The following IGSF3 variants were observed in gnomAD, a reference collection of about 807,000 sequenced individuals.
IGSF3 encodes the protein immunoglobulin superfamily member 3.
Under a neutral mutation model 114.4 loss-of-function variants are expected in IGSF3, and 23 were observed. The ratio of observed to expected loss-of-function variants is 0.20; its 90% CI spans 0.14 to 0.28. The LOEUF (loss-of-function observed/expected upper bound fraction) is 0.28. IGSF3 is among the 10% of genes least tolerant of loss of function. The pLI is 1.00. For missense variants in IGSF3, 1,172 were observed against 1,591.5 expected (o/e 0.74, Z 4.48); for synonymous variants, 571 against 645.2 (o/e 0.88, Z 1.74).
intron 4 of IGSF3, 21 bp from the exon 5 acceptor site, chr1:116,608,352 A>G: frequency 6.2e-7 from 1 of 1,603,116 alleles, no homozygotes; most frequent in Non-Finnish European, 8.5e-7. Context: ...AAGTAAGAAA[A>G]GAGACACATC....
In IGSF3 at chr1:116,613,703, C is replaced by T. The variant is rs1183773791; in HGVS notation, c.832+62G>A. 112 of 1,493,702 alleles carry T rather than the reference C, an allele frequency of 7.5e-5. 1 individual carries two copies. The highest frequency in any genetic ancestry group is 1.9e-4 in the Middle Eastern group (1 of 5,374). The allele number at this position is 1,493,702 out of a possible 1,614,324, so 92.5% of individuals were successfully genotyped here. A position where few individuals can be genotyped will look rare whatever the true frequency, so the allele number is the denominator to read the frequency against. ...CCAAAGAAGGAGTCTCCACATTCTC[C>T]CAGTATCTGACAGCCTTCACCACCA... On this transcript the variant is annotated intron_variant, in intron 4 of 10. Coordinates refer to ENST00000369486, the MANE Select transcript of IGSF3 (RefSeq NM_001007237.3).
At position 116,596,481 on chromosome 1, in the gene IGSF3, TA is replaced by T. The variant is rs1030888037; in HGVS notation, c.2029+3459del. Among the ~76,000 whole-genome samples, 31 of 152,142 alleles carry T rather than the reference TA, an allele frequency of 2.0e-4. No homozygotes were observed. Among genetic ancestry groups the T allele is most frequent in the Non-Finnish European group, 4.6e-4 (31 of 68,030 alleles). On this transcript the variant is annotated intron_variant, in intron 7 of 10. Coordinates refer to ENST00000369486, the MANE Select transcript of IGSF3 (RefSeq NM_001007237.3). The surrounding 1 kb of genome is among the most constrained non-coding windows in gnomAD (Gnocchi z 4.1). ...GGCAGAAGCTGGAAGAATCAGGAGT[TA>T]AAAGAGGCACAAGATAAAACTTCTA...
chr1:116,580,197 G>A (rs575754235), intron 9 of IGSF3, among the ~76,000 whole-genome samples: 7 of 152,184 alleles, frequency 4.6e-5, no homozygotes, highest in East Asian at 3.9e-4. Context: ...TGGGAATCCC[G>A]GGGGGAAGAG....
Position 116,616,248 on chromosome 1 carries a change from T to G in IGSF3, c.253A>C (p.Thr85Pro), listed in dbSNP as rs1661213200. The G allele has an allele frequency of 1.2e-6, 2 of 1,612,368 alleles. No homozygotes were observed. The highest frequency in any genetic ancestry group is 2.7e-5 in the African/African-American group (2 of 74,894). ...MDSSFPYAIY[T>P]QRVRGGKIFI... ...ATCTTCCCTCCGCGGACGCGCTGGG[T>G]GTAGATGGCATAGGGGAAGGAAGAG... Residue 85 changes from threonine (T) to proline (P), a missense_variant, in exon 3 of 11, where the codon ACC becomes CCC. Thr to Pro is a conservative substitution (Grantham distance 38). Transcript: ENST00000369486. This position sits in a 1 kb window ranked among gnomAD's most constrained non-coding sequence, Gnocchi z 6.6.
chr1:116,635,452 T>C (rs1647782722), intron 2 of IGSF3, among the ~76,000 whole-genome samples: 1 of 152,150 alleles, frequency 6.6e-6, no homozygotes, highest in African/African-American at 2.4e-5. Flanking sequence ...ATAATACTTC[T>C]TCACCCACCC....
chr1:116,657,455 G>A lies in IGSF3; in HGVS notation c.43+8829C>T, dbSNP rs1648907840. Among the ~76,000 whole-genome samples the A allele has an allele frequency of 3.0e-5, 4 of 135,288 alleles. No homozygotes were observed. 88.8% of individuals were successfully genotyped at this position (135,288 alleles called of 152,430 possible). ...TAACCACAGGGCTAAGCAACCTAAT[G>A]GATCAAACATGTGTGCTTTGGTCAT... On this transcript the variant is annotated intron_variant, in intron 2 of 10. Transcript: ENST00000369486. This position sits in a 1 kb window ranked among gnomAD's most constrained non-coding sequence, Gnocchi z 4.2.
rs1661300029 is a variant in IGSF3, at chr1:116,618,506, T to G, written c.44-2049A>C. ...TAATATATGGCACTTAATGTTGGCA[T>G]GGCAGATCAAGTAGGGGAAATGACT... is the stretch of plus-strand genomic sequence containing the variant. On this transcript the variant is annotated intron_variant, in intron 2 of 10. Coordinates refer to ENST00000369486, the MANE Select transcript of IGSF3 (RefSeq NM_001007237.3). The surrounding 1 kb of genome is among the most constrained non-coding windows in gnomAD (Gnocchi z 4.7). Among the ~76,000 whole-genome samples the G allele has an allele frequency of 1.3e-5, 2 of 152,258 alleles. No homozygotes were observed. Among genetic ancestry groups the G allele is most frequent in the South Asian group, 4.1e-4 (2 of 4,834 alleles).
Position 116,592,527 on chromosome 1 carries a change from C to T in IGSF3, c.2030-3423G>A, listed in dbSNP as rs1660158991. Among the ~76,000 whole-genome samples the T allele has an allele frequency of 6.6e-6, 1 of 152,116 alleles. No individual in the cohort carries two copies. Among genetic ancestry groups the T allele is most frequent in the Admixed American group, 6.6e-5 (1 of 15,266 alleles). On this transcript the variant is annotated intron_variant, in intron 7 of 10. Transcript: ENST00000369486. This position sits in a 1 kb window ranked among gnomAD's most constrained non-coding sequence, Gnocchi z 4.5. ...TCTGTGTTTTGTATGGTAGGAGAGG[C>T]TGTTGTGTTTGTTACAGGCCAGGAT...
intron 5 of IGSF3, among the ~76,000 whole-genome samples, chr1:116,604,641 T>C (rs945469427): frequency 6.6e-6 from 1 of 152,204 alleles, no homozygotes; most frequent in Admixed American, 6.5e-5. Context: ...CATTCTTTCA[T>C]TAACACACAG....
chr1:116,659,677 C>T (rs1407632051), intron 2 of IGSF3, among the ~76,000 whole-genome samples: 3 of 151,988 alleles, frequency 2.0e-5, no homozygotes, highest in Non-Finnish European at 4.4e-5. Context: ...TGCAGTAGTG[C>T]AATTACAGCT....
At chr1:116,658,546 G>A (rs1025904253) in intron 2 of IGSF3, among the ~76,000 whole-genome samples, 2 of 151,326 alleles carry the variant, frequency 1.3e-5, no homozygotes, top group African/African-American at 4.9e-5. Context: ...CATGGCAACT[G>A]ACTGCAGCAA....
intron 7 of IGSF3, among the ~76,000 whole-genome samples, chr1:116,590,158 C>T (rs1283725515): frequency 6.6e-6 from 1 of 152,088 alleles, no homozygotes; most frequent in Non-Finnish European, 1.5e-5. Flanking sequence ...ATCCTCCCTT[C>T]TCCTCACTGT....
chr1:116,601,472 G>A (rs1295163216), intron 6 of IGSF3, among the ~76,000 whole-genome samples: 1 of 152,092 alleles, frequency 6.6e-6, no homozygotes, highest in East Asian at 1.9e-4. Flanking sequence ...ATGAGTCTCT[G>A]TGAAGATTAA....
In IGSF3 at chr1:116,579,301, T is replaced by C. The variant is rs1571109251; in HGVS notation, c.3334+91A>G. Reference sequence around the variant, plus strand: ...AAATGCCCATGACAGTTAAGAAAACTGTTTATTAACCCATAATCAAGCTCA... The same window carrying C: ...AAATGCCCATGACAGTTAAGAAAACCGTTTATTAACCCATAATCAAGCTCA... On this transcript the variant is annotated intron_variant, in intron 10 of 10. Coordinates refer to ENST00000369486, the MANE Select transcript of IGSF3 (RefSeq NM_001007237.3). This position sits in a 1 kb window ranked among gnomAD's most constrained non-coding sequence, Gnocchi z 6.4. 1 of 1,463,500 alleles carries C rather than the reference T, an allele frequency of 6.8e-7. No individual in the cohort carries two copies. The highest frequency in any genetic ancestry group is 9.2e-7 in the Non-Finnish European group (1 of 1,090,582). The allele number at this position is 1,463,500 out of a possible 1,614,324, so 90.7% of individuals were successfully genotyped here. A position where few individuals can be genotyped will look rare whatever the true frequency, so the allele number is the denominator to read the frequency against.
rs1475468018 is a variant in IGSF3, at chr1:116,629,922, G to C, written c.44-13465C>G. ...TTCATGAGGCATTAACAGAGACTGTGAGCCCTGATGAAAATCATCCTTTCA... is the reference window on the plus strand; with the variant it reads ...TTCATGAGGCATTAACAGAGACTGTCAGCCCTGATGAAAATCATCCTTTCA... On this transcript the variant is annotated intron_variant, in intron 2 of 10. Transcript: ENST00000369486. The surrounding 1 kb of genome is among the most constrained non-coding windows in gnomAD (Gnocchi z 4.3). Among the ~76,000 whole-genome samples the C allele has an allele frequency of 6.6e-6, 1 of 152,148 alleles. No individual in the cohort carries two copies. Among genetic ancestry groups the C allele is most frequent in the Non-Finnish European group, 1.5e-5 (1 of 68,036 alleles).
chr1:116,658,961 T>C (rs1346285692), intron 2 of IGSF3, among the ~76,000 whole-genome samples: 1 of 152,204 alleles, frequency 6.6e-6, no homozygotes, highest in East Asian at 1.9e-4. Context: ...GTCTGGATAA[T>C]GGGAAATGGG....
chr1:116,617,348 G>A (rs1661260890), intron 2 of IGSF3: 7 of 985,280 alleles, frequency 7.1e-6, no homozygotes, highest in Non-Finnish European at 1.2e-6. Context: ...AACACTGATT[G>A]TGCCTGAGCC....
rs565052173 is a variant in IGSF3, at chr1:116,624,110, CT to C, written c.44-7654del. On this transcript the variant is annotated intron_variant, in intron 2 of 10. Coordinates refer to ENST00000369486, the MANE Select transcript of IGSF3 (RefSeq NM_001007237.3). The surrounding 1 kb of genome is among the most constrained non-coding windows in gnomAD (Gnocchi z 4.9). The stretch of plus-strand genomic sequence containing the variant: ...TAAAAAAAAAACAAAAAAAAGGTCC[CT>C]GAGGATCCCTCGAGCCTGGGAGGCC... Among the ~76,000 whole-genome samples the C allele has an allele frequency of 5.8e-4, 88 of 151,500 alleles. 1 individual carries two copies. In the East Asian group the frequency reaches 0.016, roughly 27 times the overall value.
chr1:116,627,798 C>T lies in IGSF3; in HGVS notation c.44-11341G>A, dbSNP rs1647366270. Reference sequence around the variant, plus strand: ...TCAACACAGTGTCCCCACCTTCTGTCTCCCAACACTAGGCCATGGAGACAC... The same window carrying T: ...TCAACACAGTGTCCCCACCTTCTGTTTCCCAACACTAGGCCATGGAGACAC... On this transcript the variant is annotated intron_variant, in intron 2 of 10. Transcript: ENST00000369486. The surrounding 1 kb of genome is among the most constrained non-coding windows in gnomAD (Gnocchi z 4.7). Among the ~76,000 whole-genome samples the T allele has an allele frequency of 6.6e-6, 1 of 152,210 alleles. No homozygotes were observed. The highest frequency in any genetic ancestry group is 1.5e-5 in the Non-Finnish European group (1 of 68,040).
Sources: gnomAD v4.1 joint callset for allele counts (sites outside exome capture counted in the v4.1 genomes callset) on GRCh38, gnomAD v4.1.1 for gene constraint, Gnocchi (gnomAD v3.1) non-coding constraint, MANE v1.5 for transcripts, NCBI Gene and HGNC (gene_info 2026-07-23, HGNC 2026-07-21) for gene names.